The following EFNB2 variants were observed in gnomAD, a reference collection of about 807,000 sequenced individuals.
EFNB2 encodes ephrin-B2.
Under a neutral mutation model 32.1 loss-of-function variants are expected in EFNB2, and 5 were observed. The observed-to-expected ratio is 0.16, with a 90% CI of 0.08 to 0.33. EFNB2 has a LOEUF of 0.33. EFNB2 is among the 10% of genes least tolerant of loss of function. The pLI is 1.00. For missense variants in EFNB2, 263 were observed against 422.6 expected (o/e 0.62, Z 3.31); for synonymous variants, 168 against 166.5 (o/e 1.01, Z -0.07).
In EFNB2 at chr13:106,491,840, T is replaced by G. The variant is rs1177399372; in HGVS notation, c.*1200A>C. 6.6e-6 allele frequency: 1 copy of G among 152,646 alleles called. No homozygotes were observed. The highest frequency in any genetic ancestry group is 2.4e-5 in the African/African-American group (1 of 41,438). The allele number at this position is 152,646 out of a possible 1,614,324, so 9.5% of individuals were successfully genotyped here. ...GTTTGACCTTTGGCTTTTCAACTTT[T>G]AGGTCAGATTTGGCTCTCTGCTATT... is the stretch of plus-strand genomic sequence containing the variant. On this transcript the variant is annotated 3_prime_UTR_variant, in exon 5 of 5. Coordinates refer to ENST00000646441, the MANE Select transcript of EFNB2 (RefSeq NM_004093.4).
intron 2 of EFNB2, among the ~76,000 whole-genome samples, chr13:106,502,659 G>T (rs1878820122): frequency 6.6e-6 from 1 of 152,166 alleles, no homozygotes; most frequent in Non-Finnish European, 1.5e-5. Context: ...ACAAAATAAA[G>T]CAATAAACAC....
chr13:106,523,783 G>T (rs1392830608), intron 1 of EFNB2, among the ~76,000 whole-genome samples: 1 of 152,158 alleles, frequency 6.6e-6, no homozygotes, highest in Non-Finnish European at 1.5e-5. Context: ...GCCTGGACTT[G>T]ATTTGAGTCT....
intron 1 of EFNB2, among the ~76,000 whole-genome samples, chr13:106,530,517 T>C (rs990736640): frequency 3.3e-5 from 5 of 152,182 alleles, no homozygotes; most frequent in Non-Finnish European, 7.4e-5. Context: ...GGAGGACCAG[T>C]TTAATCACCT....
chr13:106,529,007 T>TGG, intron 1 of EFNB2, among the ~76,000 whole-genome samples: 1 of 152,212 alleles, frequency 6.6e-6, no homozygotes, highest in Non-Finnish European at 1.5e-5. Context: ...GGATTACTAC[T>TGG]CATTTGAATT....
At chr13:106,519,005 G>A (rs1474457545) in intron 1 of EFNB2, 1 of 152,168 alleles carries the variant, frequency 6.6e-6, no homozygotes, top group Admixed American at 6.5e-5. Context: ...CAGGTCCACG[G>A]AAGGAAACCA....
intron 1 of EFNB2, among the ~76,000 whole-genome samples, chr13:106,531,222 T>TA (rs1471526933): frequency 1.3e-5 from 2 of 152,228 alleles, no homozygotes; most frequent in East Asian, 3.8e-4. Context: ...GTGCAGTCCC[T>TA]AGACACATGA....
intron 1 of EFNB2, among the ~76,000 whole-genome samples, chr13:106,525,675 G>C (rs182774014): frequency 6.6e-6 from 1 of 152,192 alleles, no homozygotes; most frequent in Non-Finnish European, 1.5e-5. Flanking sequence ...GACCCCTCCA[G>C]AGGCAAATGC....
At chr13:106,495,702 C>T (rs1467595242) in intron 3 of EFNB2, 46 bp downstream of exon 3, 1 of 1,578,604 alleles carries the variant, frequency 6.3e-7, no homozygotes, top group Non-Finnish European at 8.7e-7. Context: ...TAGCTGGGGG[C>T]TACACCAGGT....
chr13:106,494,809 C>T, intron 4 of EFNB2, 72 bp downstream of exon 4: 1 of 1,198,912 alleles, frequency 8.3e-7, no homozygotes, highest in Admixed American at 1.7e-5. Context: ...TTAGACTCTG[C>T]CCTACCTTTT....
At chr13:106,523,024 G>A (rs1363837623) in intron 1 of EFNB2, among the ~76,000 whole-genome samples, 2 of 152,286 alleles carry the variant, frequency 1.3e-5, no homozygotes, top group African/African-American at 4.8e-5. Context: ...CAGTTTACAA[G>A]GCTGTGTGCA....
chr13:106,531,496 G>A (rs990958296), intron 1 of EFNB2, among the ~76,000 whole-genome samples: 22 of 152,256 alleles, frequency 1.4e-4, no homozygotes, highest in African/African-American at 2.6e-4. Context: ...ATAGTTCAAG[G>A]GGCTATTCAA....
intron 1 of EFNB2, chr13:106,521,315 G>C (rs765730960): frequency 2.0e-5 from 3 of 152,128 alleles, no homozygotes; most frequent in African/African-American, 7.2e-5. Context: ...TCAAACACAC[G>C]GTGAACTGAT....
intron 2 of EFNB2, among the ~76,000 whole-genome samples, chr13:106,505,624 T>C (rs923116550): frequency 1.3e-5 from 2 of 152,232 alleles, no homozygotes; most frequent in Admixed American, 1.3e-4. Flanking sequence ...TCTGTGCATC[T>C]TGGCTATTTT....
At chr13:106,501,835 G>A (rs890930067) in intron 2 of EFNB2, among the ~76,000 whole-genome samples, 5 of 151,994 alleles carry the variant, frequency 3.3e-5, no homozygotes, top group Admixed American at 2.0e-4. Flanking sequence ...CTCGTGATCC[G>A]CCCGCCTCGG....
chr13:106,526,190 G>T (rs570546908), intron 1 of EFNB2, among the ~76,000 whole-genome samples: 1 of 152,322 alleles, frequency 6.6e-6, no homozygotes, highest in South Asian at 2.1e-4. Context: ...CCTCTGAGCA[G>T]TCCCATCGTC....
chr13:106,519,699 G>A (rs1031380730), intron 1 of EFNB2: 3 of 152,064 alleles, frequency 2.0e-5, no homozygotes, highest in Non-Finnish European at 4.4e-5. Flanking sequence ...CACACACACC[G>A]CCTTTACCTG....
intron 2 of EFNB2, among the ~76,000 whole-genome samples, chr13:106,499,718 A>C (rs977380938): frequency 2.0e-5 from 3 of 152,166 alleles, no homozygotes; most frequent in Non-Finnish European, 4.4e-5. Context: ...TGGCTCAGGA[A>C]AAAAATAGAC....
Position 106,492,908 on chromosome 13 carries a change from G to A in EFNB2, c.*132C>T, listed in dbSNP as rs768156053. 82 of 1,251,448 alleles carry A rather than the reference G, an allele frequency of 6.6e-5. No individual in the cohort carries two copies. Among genetic ancestry groups the A allele is most frequent in the Non-Finnish European group, 7.3e-5 (67 of 913,434 alleles). The allele number at this position is 1,251,448 out of a possible 1,614,324, so 77.5% of individuals were successfully genotyped here. On this transcript the variant is annotated 3_prime_UTR_variant, in exon 5 of 5. Coordinates refer to ENST00000646441, the MANE Select transcript of EFNB2 (RefSeq NM_004093.4). The surrounding 1 kb of genome is among the most constrained non-coding windows in gnomAD (Gnocchi z 5.1). Reference sequence around the variant, plus strand: ...GCTGTCCAGCGCGACGGGCTCTTCCGAGGAGGAGTGTCCCTCTCCCCCGGT... The same window carrying A: ...GCTGTCCAGCGCGACGGGCTCTTCCAAGGAGGAGTGTCCCTCTCCCCCGGT...
intron 1 of EFNB2, among the ~76,000 whole-genome samples, chr13:106,525,846 T>G (rs1210657709): frequency 1.3e-5 from 2 of 152,236 alleles, no homozygotes; most frequent in Non-Finnish European, 2.9e-5. Context: ...TAACACTTAA[T>G]AGTTGCTTGC....
Sources: allele counts gnomAD v4.1 joint callset (sites outside exome capture counted in the v4.1 genomes callset), GRCh38; gene constraint gnomAD v4.1.1; non-coding constraint Gnocchi (gnomAD v3.1); transcripts MANE v1.5; gene names NCBI Gene and HGNC (gene_info 2026-07-23, HGNC 2026-07-21).